Variants in NBEA observed in about 807,000 individuals in gnomAD.
NBEA encodes the protein neurobeachin, also known as lysosomal-trafficking regulator 2.
Under a neutral mutation model 343.4 loss-of-function variants are expected in NBEA, and 44 were observed. The ratio of observed to expected loss-of-function variants is 0.13; its 90% confidence interval spans 0.10 to 0.16. NBEA has a LOEUF of 0.16. Among genes scored for constraint, NBEA ranks in the 10% least tolerant of loss-of-function variants. The pLI is 1.00. For synonymous variants in NBEA, 1,175 were observed against 1,238.7 expected, an observed-to-expected ratio of 0.95 and a Z score of 1.08; for missense variants, 2,555 against 3,631.3, an observed-to-expected ratio of 0.70 and a Z score of 7.62.
intron 11 of NBEA, among the ~76,000 whole-genome samples, chr13:35,109,083 G>C (rs1224317416): frequency 6.6e-6 from 1 of 151,938 alleles, no homozygotes; most frequent in African/African-American, 2.4e-5. Flanking sequence ...TCTTAGATCA[G>C]GCTTCAAATA....
chr13:35,469,730 G>A (rs2152957192), intron 40 of NBEA, among the ~76,000 whole-genome samples: 1 of 152,288 alleles, frequency 6.6e-6, no homozygotes, highest in East Asian at 1.9e-4. Context: ...GCAAAGTTTA[G>A]GAGGTTAAAT....
rs112986106 is a variant in NBEA, at chr13:35,558,375, A to C, written c.6922+3273A>C. Reference sequence around the variant, plus strand: ...AGGAGCCATTATTTATAACTAAGAGAGCAGAAAAAGCTTCCCATAGGTGAC... The same window carrying C: ...AGGAGCCATTATTTATAACTAAGAGCGCAGAAAAAGCTTCCCATAGGTGAC... On this transcript the variant is annotated intron_variant, in intron 44 of 58. Coordinates refer to ENST00000379939, the MANE Select transcript of NBEA (RefSeq NM_001385012.1). Among the ~76,000 whole-genome samples, 15 of 152,212 alleles carry C rather than the reference A, an allele frequency of 9.9e-5. 1 individual carries two copies. The highest frequency in any genetic ancestry group is 3.9e-4 in the Admixed American group (6 of 15,282).
chr13:35,567,095 C>A, intron 45 of NBEA, 78 bp downstream of exon 45: 1 of 683,054 alleles, frequency 1.5e-6, no homozygotes, highest in Non-Finnish European at 2.5e-6. Flanking sequence ...GTATATATAG[C>A]CAGTTAATGT....
chr13:35,302,317 T>C lies in NBEA; in HGVS notation c.5839-7211T>C, dbSNP rs61947449. Among the ~76,000 whole-genome samples, 1,069 of 152,310 alleles carry C rather than the reference T, an allele frequency of 7.0e-3. 7 individuals carry two copies. Among genetic ancestry groups the C allele is most frequent in the Middle Eastern group, 0.02 (6 of 294 alleles). ...TACCCCAAATTGAATAAACAAAAAC[T>C]TTAAACTCCCTTCCTTCAGAAAAGA... On this transcript the variant is annotated intron_variant, in intron 35 of 58. Coordinates refer to ENST00000379939, the MANE Select transcript of NBEA (RefSeq NM_001385012.1).
intron 38 of NBEA, among the ~76,000 whole-genome samples, chr13:35,399,838 G>A (rs530177491): frequency 5.3e-5 from 8 of 152,170 alleles, no homozygotes; most frequent in Non-Finnish European, 1.2e-4. Flanking sequence ...AACAGTTAGA[G>A]GCCATTGTAG....
intron 10 of NBEA, among the ~76,000 whole-genome samples, chr13:35,077,632 C>T (rs1007461200): frequency 6.6e-6 from 1 of 152,120 alleles, no homozygotes; most frequent in Non-Finnish European, 1.5e-5. Flanking sequence ...ATTACTTCAG[C>T]TAGTATATAT....
chr13:35,473,428 TTTAA>T (rs777654744), intron 41 of NBEA, among the ~76,000 whole-genome samples: 4 of 152,190 alleles, frequency 2.6e-5, no homozygotes, highest in Non-Finnish European at 4.4e-5. Flanking sequence ...CTTTATTGTT[TTTAA>T]TTTAGATATT....
At chr13:35,248,366 A>G (rs138384234) in intron 34 of NBEA, among the ~76,000 whole-genome samples, 136 of 152,356 alleles carry the variant, frequency 8.9e-4, no homozygotes, top group African/African-American at 3.2e-3. Flanking sequence ...AGATCATCTT[A>G]TTTAATTAGT....
chr13:35,346,524 T>C (rs1206772381), intron 36 of NBEA, among the ~76,000 whole-genome samples: 1 of 152,162 alleles, frequency 6.6e-6, no homozygotes, highest in Non-Finnish European at 1.5e-5. Flanking sequence ...GAGGAGTTTT[T>C]ATCTTTTTTC....
intron 10 of NBEA, chr13:35,071,090 C>G (rs2063850018): frequency 6.5e-6 from 2 of 310,034 alleles, no homozygotes; most frequent in Non-Finnish European, 1.2e-5. Flanking sequence ...AAAATTCTTA[C>G]CAAAGATAGC....
chr13:35,567,356 G>A (rs954579189), intron 45 of NBEA, among the ~76,000 whole-genome samples: 2 of 152,072 alleles, frequency 1.3e-5, no homozygotes, highest in African/African-American at 4.8e-5. Context: ...TCCTTAGATG[G>A]TAAGACATTT....
At chr13:35,339,850 A>G (rs1353726678) in intron 36 of NBEA, among the ~76,000 whole-genome samples, 1 of 152,086 alleles carries the variant, frequency 6.6e-6, no homozygotes, top group Non-Finnish European at 1.5e-5. Flanking sequence ...ATGAGAAACC[A>G]CCACCATGAT....
Position 35,216,408 on chromosome 13 carries a change from G to A in NBEA, c.5648+5229G>A, listed in dbSNP as rs187703105. Among the ~76,000 whole-genome samples, 296 of 151,966 alleles carry A rather than the reference G, an allele frequency of 1.9e-3. 3 individuals are homozygous for A. The highest frequency in any genetic ancestry group is 6.8e-3 in the Middle Eastern group (2 of 294). On this transcript the variant is annotated intron_variant, in intron 33 of 58. Coordinates refer to ENST00000379939, the MANE Select transcript of NBEA (RefSeq NM_001385012.1). ...TTACTGTGACTGAGTTAAATAGTTG[G>A]AACAGAGACGATATGGCCTAAAGCT...
intron 39 of NBEA, among the ~76,000 whole-genome samples, chr13:35,449,330 C>T (rs531440287): frequency 2.0e-5 from 3 of 152,220 alleles, no homozygotes; most frequent in Admixed American, 1.3e-4. Flanking sequence ...GCTGTTGACA[C>T]CCTCTAGACC....
chr13:35,445,118 G>A (rs1437038333), intron 39 of NBEA, among the ~76,000 whole-genome samples: 1 of 152,120 alleles, frequency 6.6e-6, no homozygotes, highest in Non-Finnish European at 1.5e-5. Flanking sequence ...TTGAATACCT[G>A]ATGTTGGATA....
chr13:35,523,323 C>T (rs772858570), intron 41 of NBEA, among the ~76,000 whole-genome samples: 1 of 152,168 alleles, frequency 6.6e-6, no homozygotes. Flanking sequence ...AGTTAATTCT[C>T]ATGCCCATTT....
At chr13:35,401,552 T>A (rs2043003035) in intron 38 of NBEA, among the ~76,000 whole-genome samples, 1 of 152,170 alleles carries the variant, frequency 6.6e-6, no homozygotes, top group Admixed American at 6.6e-5. Flanking sequence ...TAATCAAGTC[T>A]TCCTAAGTGT....
chr13:35,641,427 C>G (rs949539526), intron 49 of NBEA, among the ~76,000 whole-genome samples: 3 of 151,954 alleles, frequency 2.0e-5, no homozygotes, highest in African/African-American at 7.3e-5. Flanking sequence ...GTTAACAACC[C>G]AAATATCCAT....
intron 11 of NBEA, among the ~76,000 whole-genome samples, chr13:35,105,510 G>A (rs1469098533): frequency 6.6e-6 from 1 of 151,976 alleles, no homozygotes; most frequent in Non-Finnish European, 1.5e-5. Flanking sequence ...GAGAATTGGC[G>A]CTATAGACCT....
Sources: allele counts gnomAD v4.1 joint callset (sites outside exome capture counted in the v4.1 genomes callset), GRCh38; gene constraint gnomAD v4.1.1; transcripts MANE v1.5; gene names NCBI Gene and HGNC (gene_info 2026-07-23, HGNC 2026-07-21).